The following TM7SF2 variants were observed in gnomAD, a reference collection of about 807,000 sequenced individuals.
The protein encoded by TM7SF2 is delta(14)-sterol reductase TM7SF2.
TM7SF2 carries 51 observed loss-of-function variants against 51.0 expected under a neutral mutation model. The observed-to-expected ratio is 1.00, with a 90% CI of 0.80 to 1.26. The LOEUF is 1.26. TM7SF2 is among the 50% of genes most tolerant of loss of function. TM7SF2 has a pLI of 0.00. For synonymous variants in TM7SF2, 255 were observed against 241.0 expected (o/e 1.06, Z -0.54); for missense variants, 541 against 547.4 (o/e 0.99, Z 0.12).
rs1947954855 is a variant in TM7SF2 at position 65,114,802 on chromosome 11, G to A, written c.693G>A (p.Leu231=). The A allele has an allele frequency of 1.2e-6, 2 of 1,614,274 alleles. No homozygotes were observed. The highest frequency in any genetic ancestry group is 1.7e-6 in the Non-Finnish European group (2 of 1,180,038). ...TGTGGCTGGTCAATGGCTTCCAGTT[G>A]CTCTACGTGGGTGATGCCCTCTGGC... The part of the protein sequence containing the change: ...LAMWLVNGFQ[L]LYVGDALWHE... Residue 231 remains leucine, a synonymous_variant, in exon 6 of 10, where the codon TTG becomes TTA. Coordinates refer to ENST00000279263, the MANE Select transcript of TM7SF2 (RefSeq NM_003273.6).
Position 65,112,032 on chromosome 11 carries a change from G to GC in TM7SF2, c.22dup (p.Arg8ProfsTer94), listed in dbSNP as rs756107194. 6.3e-7 allele frequency: 1 copy of GC among 1,590,994 alleles called. No individual in the cohort carries two copies. Among genetic ancestry groups the GC allele is most frequent in the Non-Finnish European group, 8.5e-7 (1 of 1,170,496 alleles). ...GCGGAGACCATGGCCCCCACTCAGGGCCCCCGGGCCCCGCTGGAATTCGGA... is the reference window on the plus strand; with the variant it reads ...GCGGAGACCATGGCCCCCACTCAGGGCCCCCCGGGCCCCGCTGGAATTCGGA... On this transcript the variant is annotated frameshift_variant, in exon 1 of 10. Coordinates refer to ENST00000279263, the MANE Select transcript of TM7SF2 (RefSeq NM_003273.6). LOFTEE classifies it high-confidence loss of function.
intron 9 of TM7SF2, 40 bp downstream of exon 9, chr11:65,115,638 G>A (rs536039211): frequency 1.4e-5 from 23 of 1,611,722 alleles, no homozygotes; most frequent in Non-Finnish European, 1.9e-5. Context: ...ACATGTGAGG[G>A]GAAGAGGTGG....
chr11:65,115,634 G>A (rs767565585), intron 9 of TM7SF2, 36 bp downstream of exon 9: 13 of 1,611,960 alleles, frequency 8.1e-6, no homozygotes, highest in Non-Finnish European at 1.1e-5. Context: ...AGGGACATGT[G>A]AGGGGAAGAG....
rs1484023001 is a variant in TM7SF2 at position 65,112,022 on chromosome 11, C to T, written c.7C>T (p.Pro3Ser). The T allele has an allele frequency of 6.3e-6, 10 of 1,588,890 alleles. No individual in the cohort carries two copies. The highest frequency in any genetic ancestry group is 8.6e-6 in the Non-Finnish European group (10 of 1,168,964). MA[P>S]TQGPRAPLEF... ...CTCCGGCGGAGCGGAGACCATGGCC[C>T]CCACTCAGGGCCCCCGGGCCCCGCT... Residue 3 changes from proline to serine, a missense_variant, in exon 1 of 10, where the codon CCC becomes TCC. Coordinates refer to ENST00000279263, the MANE Select transcript of TM7SF2 (RefSeq NM_003273.6).
intron 1 of TM7SF2, 96 bp downstream of exon 1, chr11:65,112,163 G>T: frequency 1.5e-6 from 2 of 1,293,456 alleles, no homozygotes; most frequent in Non-Finnish European, 2.1e-6. Context: ...GAGGATGGAA[G>T]GCTTTGGGGG....
intron 1 of TM7SF2, 197 bp from the exon 2 acceptor site, chr11:65,112,318 C>A: frequency 1.5e-6 from 1 of 675,774 alleles, no homozygotes; most frequent in Middle Eastern, 4.3e-4. Context: ...GGCCTGGGGG[C>A]GGGGGACTAA....
In TM7SF2 at chr11:65,112,722, C is replaced by A; in HGVS notation, c.249+11C>A. On this transcript the variant is annotated intron_variant, in intron 2 of 9. Coordinates refer to ENST00000279263, the MANE Select transcript of TM7SF2 (RefSeq NM_003273.6). ...CTGCCGGCGCGCAAGGTGCGGGCCC[C>A]GCTCGCGGACGCTCGGGGGAGGGAA... 6.5e-7 allele frequency: 1 copy of A among 1,547,818 alleles called. No homozygotes were observed. Among genetic ancestry groups the A allele is most frequent in the Non-Finnish European group, 8.7e-7 (1 of 1,146,182 alleles).
intron 1 of TM7SF2, 74 bp downstream of exon 1, chr11:65,112,141 G>A: frequency 6.8e-7 from 1 of 1,463,604 alleles, no homozygotes; most frequent in Non-Finnish European, 9.3e-7. Flanking sequence ...ACTAAGAGCG[G>A]GGGCGAGATC....
In TM7SF2 at chr11:65,114,767, T is replaced by A; in HGVS notation, c.658T>A (p.Ser220Thr). The A allele has an allele frequency of 6.2e-7, 1 of 1,614,252 alleles. No individual in the cohort carries two copies. Among genetic ancestry groups the A allele is most frequent in the Non-Finnish European group, 8.5e-7 (1 of 1,180,042 alleles). Residue 220 changes from serine (S) to threonine (T), a missense_variant, in exon 6 of 10, where the codon TCA (serine) becomes ACA (threonine). Coordinates refer to ENST00000279263, the MANE Select transcript of TM7SF2 (RefSeq NM_003273.6). ...MKEAELRGSP[S>T]LAMWLVNGFQ... ...GGAGGCAGAGCTTCGAGGCAGTCCC[T>A]CACTGGCCATGTGGCTGGTCAATGG...
rs376755166 is a variant in TM7SF2 at position 65,115,846 on chromosome 11, G to A, written c.1097-47G>A. On this transcript the variant is annotated intron_variant, in intron 9 of 9. Transcript: ENST00000279263. The stretch of plus-strand genomic sequence containing the variant: ...AGGTGTGGAAACGTTTGTGAACTGC[G>A]GGGTGGAGGGGCCGGCAGGGTGGTC... The A allele has an allele frequency of 1.0e-3, 1,633 of 1,613,436 alleles. 9 individuals carry two copies. Among genetic ancestry groups the A allele is most frequent in the Non-Finnish European group, 1.2e-3 (1,371 of 1,179,876 alleles).
Position 65,116,063 on chromosome 11 carries a change from A to G in TM7SF2, c.*10A>G, listed in dbSNP as rs751966937. The G allele has an allele frequency of 1.1e-5, 17 of 1,599,390 alleles. No individual in the cohort carries two copies. In the Admixed American group the frequency reaches 2.8e-4, roughly 27 times the overall value. On this transcript the variant is annotated 3_prime_UTR_variant, in exon 10 of 10. Coordinates refer to ENST00000279263, the MANE Select transcript of TM7SF2 (RefSeq NM_003273.6). Reference sequence around the variant, plus strand: ...GCCCTACATCTACTGAAGCGGCTCCACCACCCCAGGTGGGGGCATGTGCCC... The same window carrying G: ...GCCCTACATCTACTGAAGCGGCTCCGCCACCCCAGGTGGGGGCATGTGCCC...
At chr11:65,112,438 C>G in intron 1 of TM7SF2, 77 bp from the exon 2 acceptor site, 1 of 1,401,378 alleles carries the variant, frequency 7.1e-7, no homozygotes. Flanking sequence ...CCCGCAGAGA[C>G]GTCAGGGCGC....
Position 65,112,026 on chromosome 11 carries a change from C to G in TM7SF2, c.11C>G (p.Thr4Ser), listed in dbSNP as rs769826284. 2.5e-6 allele frequency: 4 copies of G among 1,590,144 alleles called. 1 individual carries two copies. Among genetic ancestry groups the G allele is most frequent in the Middle Eastern group, 3.3e-4 (2 of 6,026 alleles). MAP[T>S]QGPRAPLEFG... The stretch of plus-strand genomic sequence containing the variant: ...GGCGGAGCGGAGACCATGGCCCCCA[C>G]TCAGGGCCCCCGGGCCCCGCTGGAA... The change falls in exon 1 of 10, where the codon ACT becomes AGT. Residue 4 changes from threonine (T) to serine (S), a missense_variant. Physicochemically the swap from Thr to Ser is moderately conservative, Grantham distance 58 (BLOSUM62 1). Coordinates refer to ENST00000279263, the MANE Select transcript of TM7SF2 (RefSeq NM_003273.6).
rs775696515 is a variant in TM7SF2 at position 65,114,786 on chromosome 11, T to C, written c.677T>C (p.Val226Ala). Reference protein sequence around the residue: ...RGSPSLAMWLVNGFQLLYVGD... With the variant: ...RGSPSLAMWLANGFQLLYVGD... ...AGTCCCTCACTGGCCATGTGGCTGG[T>C]CAATGGCTTCCAGTTGCTCTACGTG... The change falls in exon 6 of 10, where the codon GTC (valine) becomes GCC (alanine). Residue 226 changes from valine (V) to alanine (A), a missense_variant. Val to Ala is a moderately conservative substitution (Grantham distance 64). Transcript: ENST00000279263. The C allele has an allele frequency of 6.2e-7, 1 of 1,613,710 alleles. No homozygotes were observed. Among genetic ancestry groups the C allele is most frequent in the African/African-American group, 1.3e-5 (1 of 74,942 alleles).
chr11:65,115,406 C>A lies in TM7SF2; in HGVS notation c.973+12C>A. ...CCCCAGAGTGGCTGGTGAGCTGGTT[C>A]TCTAGGGCCATGGGTGAGGTGGGGC... On this transcript the variant is annotated intron_variant, in intron 8 of 9. Transcript: ENST00000279263. The A allele has an allele frequency of 6.2e-7, 1 of 1,614,172 alleles. No homozygotes were observed. The highest frequency in any genetic ancestry group is 8.5e-7 in the Non-Finnish European group (1 of 1,180,020).
At chr11:65,112,957 C>A in intron 3 of TM7SF2, 92 bp downstream of exon 3, 1 of 1,452,672 alleles carries the variant, frequency 6.9e-7, no homozygotes. Context: ...TGGCCCCCAC[C>A]CCAGGCTCCT....
rs765598982 is a variant in TM7SF2, at chr11:65,115,501, A to G, written c.999A>G (p.Thr333=). 51 of 1,614,126 alleles carry G rather than the reference A, an allele frequency of 3.2e-5. No homozygotes were observed. The highest frequency in any genetic ancestry group is 4.2e-5 in the Non-Finnish European group (49 of 1,180,006). ...VAGLETISTA[T]GRKLLVSGWW... ...GGCTTGAGACCATCTCTACAGCCAC[A>G]GGGCGGAAACTGCTGGTGTCTGGGT... The change falls in exon 9 of 10, where the codon ACA becomes ACG. Residue 333 remains threonine, a synonymous_variant. Transcript: ENST00000279263.
rs776714853 is a variant in TM7SF2 at position 65,114,932 on chromosome 11, T to C, written c.743T>C (p.Met248Thr). Residue 248 changes from methionine (M) to threonine (T), a missense_variant, in exon 7 of 10, where the codon ATG becomes ACG. Coordinates refer to ENST00000279263, the MANE Select transcript of TM7SF2 (RefSeq NM_003273.6). ...LWHEEAVLTTMDITHDGFGFM... is the reference protein window; with the variant it reads ...LWHEEAVLTTTDITHDGFGFM... ...CTGCAGGAGGCCGTCCTCACCACCA[T>C]GGATATCACACATGACGGGTTTGGC... is the stretch of plus-strand genomic sequence containing the variant. 6.2e-6 allele frequency: 10 copies of C among 1,614,098 alleles called. No individual in the cohort carries two copies. The East Asian group carries it at 6.7e-5, about 11-fold the overall frequency.
chr11:65,115,687 G>T (rs1356305247), intron 9 of TM7SF2, 89 bp downstream of exon 9: 3 of 1,607,074 alleles, frequency 1.9e-6, no homozygotes, highest in South Asian at 2.2e-5. Flanking sequence ...GTATGCACCA[G>T]TGAGAGTAGT....
Sources: allele counts gnomAD v4.1 joint callset, GRCh38; gene constraint gnomAD v4.1.1; transcripts MANE v1.5; gene names NCBI Gene and HGNC (gene_info 2026-07-23, HGNC 2026-07-21).